FGFR1: variants seen among roughly 807,000 people sequenced by gnomAD.
FGFR1 encodes the protein FGFR1/PLAG1 fusion.
Under a neutral mutation model 93.7 loss-of-function variants are expected in FGFR1, and 18 were observed. The ratio of observed to expected loss-of-function variants is 0.19; its 90% CI spans 0.13 to 0.28. The LOEUF is 0.28. Ranked by LOEUF, FGFR1 falls within the 10% of genes least tolerant of loss-of-function variation. The probability of loss-of-function intolerance (pLI) is 1.00; values close to 1 mark genes in which losing one functional copy is unlikely to be tolerated. For synonymous variants in FGFR1, 448 were observed against 429.3 expected, an observed-to-expected ratio of 1.04 and a Z score of -0.54; for missense variants, 731 against 1,080.4, an observed-to-expected ratio of 0.68 and a Z score of 4.53.
At chr8:38,459,387 G>A (rs770415731) in intron 1 of FGFR1, among the ~76,000 whole-genome samples, 3 of 152,122 alleles carry the variant, frequency 2.0e-5, no homozygotes, top group Non-Finnish European at 4.4e-5. Context: ...CTTGGCCAGC[G>A]GGATACACAT....
chr8:38,455,911 C>G (rs770823450), intron 2 of FGFR1, among the ~76,000 whole-genome samples: 3 of 152,158 alleles, frequency 2.0e-5, no homozygotes, highest in Non-Finnish European at 4.4e-5. Context: ...CCCTCCTGAC[C>G]ATAAACTCCC....
chr8:38,460,930 T>C (rs1487981348), intron 1 of FGFR1, among the ~76,000 whole-genome samples: 2 of 152,126 alleles, frequency 1.3e-5, no homozygotes, highest in African/African-American at 4.8e-5. Flanking sequence ...CTTGCAGGTG[T>C]ACACAGCAGC....
At chr8:38,440,163 G>A in intron 2 of FGFR1, 1 of 680,740 alleles carries the variant, frequency 1.5e-6, no homozygotes, top group Non-Finnish European at 2.7e-6. Flanking sequence ...AAATGAGGGG[G>A]CAATTGTGGG....
chr8:38,428,922 A>C (rs1372116851), intron 3 of FGFR1: 5 of 303,242 alleles, frequency 1.6e-5, no homozygotes, highest in Non-Finnish European at 3.2e-5. Flanking sequence ...TGCCCTCCTT[A>C]ATCAGAGCAG....
chr8:38,446,205 CTTTTTTT>C (rs773129271), intron 2 of FGFR1, among the ~76,000 whole-genome samples: 2 of 127,776 alleles, frequency 1.6e-5, no homozygotes, highest in Non-Finnish European at 3.3e-5. Context: ...CCTCTCCCAC[CTTTTTTT>C]TTTTTTTTTT....
At chr8:38,425,367 C>T (rs1820380716) in intron 6 of FGFR1, among the ~76,000 whole-genome samples, 1 of 152,082 alleles carries the variant, frequency 6.6e-6, no homozygotes, top group Admixed American at 6.6e-5. Context: ...AGGCTGGTCT[C>T]ACACTCCTGG....
At chr8:38,442,149 CGAT>C (rs1207085667) in intron 2 of FGFR1, among the ~76,000 whole-genome samples, 3 of 152,060 alleles carry the variant, frequency 2.0e-5, no homozygotes, top group Non-Finnish European at 2.9e-5. Context: ...GGCATCTGCA[CGAT>C]AATAGAAAGC....
intron 3 of FGFR1, chr8:38,428,949 C>T (rs1269642071): frequency 6.5e-6 from 2 of 305,862 alleles, no homozygotes; most frequent in Non-Finnish European, 1.3e-5. Flanking sequence ...CACCCACCAC[C>T]CCAGCAGCTG....
At chr8:38,449,413 G>A (rs955393979) in intron 2 of FGFR1, among the ~76,000 whole-genome samples, 6 of 152,200 alleles carry the variant, frequency 3.9e-5, no homozygotes, top group Non-Finnish European at 8.8e-5. Context: ...ATCAGTCAAT[G>A]AATGGACCAT....
intron 2 of FGFR1, among the ~76,000 whole-genome samples, chr8:38,442,837 T>C (rs960997652): frequency 1.3e-5 from 2 of 152,192 alleles, no homozygotes; most frequent in African/African-American, 4.8e-5. Flanking sequence ...AAGCCCGACA[T>C]GGGTGCTTGA....
At chr8:38,423,661 TTA>T (rs1491490884) in intron 7 of FGFR1, 1 of 133,304 alleles carries the variant, frequency 7.5e-6, no homozygotes, top group African/African-American at 3.2e-5. Context: ...AAGCATTTGA[TTA>T]AAAAAAAAAA....
intron 1 of FGFR1, among the ~76,000 whole-genome samples, chr8:38,460,159 G>T (rs1834033778): frequency 6.6e-6 from 1 of 152,152 alleles, no homozygotes; most frequent in Middle Eastern, 3.2e-3. Context: ...CTCCAGCCTG[G>T]GTGACGGAGT....
chr8:38,421,221 C>T (rs1414467929), intron 8 of FGFR1, among the ~76,000 whole-genome samples: 1 of 152,228 alleles, frequency 6.6e-6, no homozygotes, highest in Non-Finnish European at 1.5e-5. Context: ...CGGCAGCAGG[C>T]AAACAGGATA....
rs182249610 is a variant in FGFR1, at chr8:38,427,894, C to G, written c.621+27G>C. ...CTCGGCCTCCCCTGTTCCCATTACT[C>G]TAACTTTCGCATGCACACACACGTA... On this transcript the variant is annotated intron_variant, in intron 5 of 17. Coordinates refer to ENST00000447712, the MANE Select transcript of FGFR1 (RefSeq NM_023110.3). The G allele has an allele frequency of 2.4e-4, 381 of 1,614,148 alleles. 3 individuals carry two copies. The African/African-American group carries it at 3.7e-3, about 16-fold the overall frequency.
At chr8:38,438,616 A>G (rs911871012) in intron 2 of FGFR1, among the ~76,000 whole-genome samples, 2 of 152,070 alleles carry the variant, frequency 1.3e-5, no homozygotes, top group African/African-American at 4.8e-5. Context: ...GGATTAGTCC[A>G]AGATGGCCCA....
intron 11 of FGFR1, 71 bp from the exon 12 acceptor site, chr8:38,417,487 G>A (rs1424316871): frequency 7.6e-6 from 10 of 1,316,200 alleles, no homozygotes; most frequent in African/African-American, 1.4e-5. Flanking sequence ...AGGGAGTGGG[G>A]TATGTGTCGA....
In FGFR1 at chr8:38,426,352, G is replaced by A. The variant is rs1476764489; in HGVS notation, c.622-107C>T. 5.3e-6 allele frequency: 8 copies of A among 1,499,554 alleles called. No individual in the cohort carries two copies. The highest frequency in any genetic ancestry group is 1.7e-5 in the Admixed American group (1 of 59,692). 92.9% of individuals were successfully genotyped at this position (1,499,554 alleles called of 1,614,324 possible). The stretch of plus-strand genomic sequence containing the variant: ...CTGCCCTCCATATCAGAGCCTGGTG[G>A]CACAGGGCCCCAGGCTGCAGGGTTG... On this transcript the variant is annotated intron_variant, in intron 5 of 17. Transcript: ENST00000447712. This position sits in a 1 kb window ranked among gnomAD's most constrained non-coding sequence, Gnocchi z 4.1.
chr8:38,439,522 C>A (rs573830039), intron 2 of FGFR1, among the ~76,000 whole-genome samples: 25 of 152,272 alleles, frequency 1.6e-4, no homozygotes, highest in Non-Finnish European at 3.1e-4. Context: ...CTGCACAGGG[C>A]TCACAAGGGT....
chr8:38,432,891 C>T lies in FGFR1; in HGVS notation c.92-2943G>A, dbSNP rs111882007. The stretch of plus-strand genomic sequence containing the variant: ...CCAGCCCCATTCTCTCTACCAGGGG[C>T]TGTCCCTCCCCACCGCGCCCCCCCC... On this transcript the variant is annotated intron_variant, in intron 2 of 17. Transcript: ENST00000447712. Among the ~76,000 whole-genome samples the T allele has an allele frequency of 1.2e-3, 170 of 144,704 alleles. 2 individuals are homozygous for T. The highest frequency in any genetic ancestry group is 3.8e-3 in the African/African-American group (151 of 39,540). The allele number at this position is 144,704 out of a possible 152,430, so 94.9% of individuals were successfully genotyped here. A position where few individuals can be genotyped will look rare whatever the true frequency, so the allele number is the denominator to read the frequency against.
Sources: allele counts gnomAD v4.1 joint callset (sites outside exome capture counted in the v4.1 genomes callset), GRCh38; gene constraint gnomAD v4.1.1; non-coding constraint Gnocchi (gnomAD v3.1); transcripts MANE v1.5; gene names NCBI Gene and HGNC (gene_info 2026-07-23, HGNC 2026-07-21).